SEMA3E: variants seen among roughly 807,000 people sequenced by gnomAD.
The protein encoded by SEMA3E is semaphorin-3E.
In SEMA3E, 49 loss-of-function variants were observed where a neutral mutation model predicts 93.6. The ratio of observed to expected loss-of-function variants is 0.52; its 90% CI spans 0.42 to 0.66. The LOEUF (loss-of-function observed/expected upper bound fraction) is 0.66, where lower values mean the gene tolerates loss of function less well. SEMA3E is among the 30% of genes least tolerant of loss of function. The probability of loss-of-function intolerance (pLI) is 0.00; values close to 1 mark genes in which losing one functional copy is unlikely to be tolerated. For synonymous variants in SEMA3E, 363 were observed against 330.7 expected, an observed-to-expected ratio of 1.10 and a Z score of -1.06; for missense variants, 906 against 964.8, an observed-to-expected ratio of 0.94 and a Z score of 0.81.
At chr7:83,475,763 AC>A in intron 2 of SEMA3E, among the ~76,000 whole-genome samples, 1 of 152,254 alleles carries the variant, frequency 6.6e-6, no homozygotes, top group South Asian at 2.1e-4. Context: ...AAAATCTCAG[AC>A]CCTTCACAGT....
intron 1 of SEMA3E, among the ~76,000 whole-genome samples, chr7:83,624,560 T>G (rs192386395): frequency 1.2e-4 from 18 of 150,780 alleles, no homozygotes; most frequent in Non-Finnish European, 2.2e-4. Flanking sequence ...GCCCACTTTT[T>G]GATGGGGTTG....
At chr7:83,463,140 C>G (rs916169382) in intron 4 of SEMA3E, among the ~76,000 whole-genome samples, 11 of 143,844 alleles carry the variant, frequency 7.6e-5, no homozygotes, top group African/African-American at 2.5e-4. Context: ...CAATCGTGTC[C>G]GACTGATCTC....
intron 4 of SEMA3E, chr7:83,461,959 G>T (rs1206567703): frequency 6.6e-6 from 1 of 152,228 alleles, no homozygotes; most frequent in Non-Finnish European, 1.5e-5. Flanking sequence ...TCTGGCCACT[G>T]GGCCAAGGAA....
intron 16 of SEMA3E, 41 bp downstream of exon 16, chr7:83,385,253 T>C: frequency 6.2e-7 from 1 of 1,607,886 alleles, no homozygotes; most frequent in Non-Finnish European, 8.5e-7. Flanking sequence ...TCACACACTA[T>C]ATGCAAAATA....
At chr7:83,610,790 G>A (rs543710275) in intron 1 of SEMA3E, among the ~76,000 whole-genome samples, 23 of 152,122 alleles carry the variant, frequency 1.5e-4, no homozygotes, top group African/African-American at 5.5e-4. Context: ...ACAAGCAAAG[G>A]TGAGAAGCTT....
intron 2 of SEMA3E, among the ~76,000 whole-genome samples, chr7:83,471,455 C>T (rs1394088687): frequency 1.3e-5 from 2 of 151,910 alleles, no homozygotes; most frequent in Non-Finnish European, 2.9e-5. Context: ...TACCTTGTTG[C>T]CTCTCCCTAA....
intron 16 of SEMA3E, 33 bp from the exon 17 acceptor site, chr7:83,368,071 T>G (rs758846687): frequency 5.1e-6 from 8 of 1,574,892 alleles, no homozygotes; most frequent in Non-Finnish European, 5.2e-6. Flanking sequence ...GGCACTGAAG[T>G]ACACAGGAGA....
intron 4 of SEMA3E, among the ~76,000 whole-genome samples, chr7:83,422,640 A>T (rs1259802370): frequency 6.6e-6 from 1 of 152,214 alleles, no homozygotes; most frequent in Non-Finnish European, 1.5e-5. Flanking sequence ...TGACAGTGAT[A>T]CTAGGCTGCT....
At chr7:83,625,565 G>A (rs966446601) in intron 1 of SEMA3E, among the ~76,000 whole-genome samples, 1 of 152,116 alleles carries the variant, frequency 6.6e-6, no homozygotes, top group Non-Finnish European at 1.5e-5. Context: ...TGTATCCTGA[G>A]ACTTTGCTGA....
intron 4 of SEMA3E, among the ~76,000 whole-genome samples, chr7:83,437,729 A>G (rs1225218972): frequency 6.6e-6 from 1 of 152,216 alleles, no homozygotes; most frequent in Non-Finnish European, 1.5e-5. Flanking sequence ...AACATTTCCC[A>G]TTAAAAGGAA....
At chr7:83,444,116 G>C (rs1458871241) in intron 4 of SEMA3E, among the ~76,000 whole-genome samples, 1 of 152,120 alleles carries the variant, frequency 6.6e-6, no homozygotes, top group African/African-American at 2.4e-5. Context: ...ATCTGATAGA[G>C]GTTGAGATAA....
intron 1 of SEMA3E, among the ~76,000 whole-genome samples, chr7:83,570,648 C>T (rs897424327): frequency 6.7e-5 from 10 of 150,124 alleles, no homozygotes; most frequent in South Asian, 2.1e-4. Context: ...AAACCAAGCC[C>T]GAAGTTAGCA....
At chr7:83,419,837 G>A (rs914661564) in intron 4 of SEMA3E, among the ~76,000 whole-genome samples, 4 of 146,138 alleles carry the variant, frequency 2.7e-5, no homozygotes, top group Admixed American at 7.0e-5. Context: ...ATAATAAGTC[G>A]TATATGACAA....
rs562621770 is a variant in SEMA3E, at chr7:83,443,100, T to C, written c.456+23382A>G. Among the ~76,000 whole-genome samples the C allele has an allele frequency of 2.6e-5, 4 of 152,218 alleles. No homozygotes were observed. The South Asian group carries it at 6.2e-4, about 24-fold the overall frequency. ...AAAGCCAGAACAAGTATGATAAGAATAGAATAAAGCTGACACAGCAAAGAG... is the reference window on the plus strand; with the variant it reads ...AAAGCCAGAACAAGTATGATAAGAACAGAATAAAGCTGACACAGCAAAGAG... On this transcript the variant is annotated intron_variant, in intron 4 of 16. Transcript: ENST00000643230.
At chr7:83,549,285 A>AT (rs983047359) in intron 1 of SEMA3E, among the ~76,000 whole-genome samples, 4 of 152,082 alleles carry the variant, frequency 2.6e-5, no homozygotes, top group South Asian at 2.1e-4. Flanking sequence ...TCTTATCTCT[A>AT]TTCAAGCACA....
chr7:83,389,204 T>C (rs1787943325), intron 14 of SEMA3E, among the ~76,000 whole-genome samples: 1 of 152,120 alleles, frequency 6.6e-6, no homozygotes. Context: ...TGTACAATTA[T>C]TATACAACCA....
At chr7:83,577,199 T>G (rs2115891107) in intron 1 of SEMA3E, among the ~76,000 whole-genome samples, 1 of 152,312 alleles carries the variant, frequency 6.6e-6, no homozygotes, top group African/African-American at 2.4e-5. Flanking sequence ...TATACCTGTA[T>G]GACAGATTAG....
At chr7:83,487,690 T>TGTGA (rs139404708) in intron 2 of SEMA3E, among the ~76,000 whole-genome samples, 2 of 147,454 alleles carry the variant, frequency 1.4e-5, no homozygotes, top group African/African-American at 4.9e-5. Context: ...GTCGTGTGTG[T>TGTGA]GTGTGTGTGT....
At chr7:83,422,229 G>A (rs1011663376) in intron 4 of SEMA3E, among the ~76,000 whole-genome samples, 2 of 152,022 alleles carry the variant, frequency 1.3e-5, no homozygotes, top group Non-Finnish European at 2.9e-5. Context: ...TAGAACAAAT[G>A]TGGCCTCCTG....
Sources: gnomAD v4.1 joint callset for allele counts (sites outside exome capture counted in the v4.1 genomes callset) on GRCh38, gnomAD v4.1.1 for gene constraint, MANE v1.5 for transcripts, NCBI Gene and HGNC (gene_info 2026-07-23, HGNC 2026-07-21) for gene names.